The following SLC2A13 variants were observed in gnomAD, a reference collection of about 807,000 sequenced individuals.
The protein encoded by SLC2A13 is proton myo-inositol cotransporter.
A neutral mutation model predicts 64.4 loss-of-function variants in SLC2A13; 32 were observed. The observed-to-expected ratio is 0.50, with a 90% CI of 0.37 to 0.67. The LOEUF (loss-of-function observed/expected upper bound fraction) is 0.67. SLC2A13 is among the 30% of genes least tolerant of loss of function. SLC2A13 has a pLI of 0.00. For synonymous variants in SLC2A13, 338 were observed against 327.1 expected (o/e 1.03, Z -0.36); for missense variants, 743 against 829.2 (o/e 0.90, Z 1.28).
chr12:40,021,651 A>T (rs1167538413), intron 3 of SLC2A13, among the ~76,000 whole-genome samples: 1 of 152,216 alleles, frequency 6.6e-6, no homozygotes, highest in Non-Finnish European at 1.5e-5. Context: ...AGGTCATCTT[A>T]CCAAGAACAA....
intron 5 of SLC2A13, among the ~76,000 whole-genome samples, chr12:39,869,437 A>G (rs948150000): frequency 9.2e-5 from 14 of 152,204 alleles, no homozygotes; most frequent in Non-Finnish European, 1.2e-4. Context: ...CTCTCAAACC[A>G]TTGTTATATC....
intron 7 of SLC2A13, among the ~76,000 whole-genome samples, chr12:39,792,582 AC>A (rs1941441104): frequency 6.6e-6 from 1 of 152,162 alleles, no homozygotes; most frequent in African/African-American, 2.4e-5. Flanking sequence ...AGGTGTGTAT[AC>A]AGTCACCTTC....
chr12:39,868,933 A>G (rs1162715580), intron 5 of SLC2A13, among the ~76,000 whole-genome samples: 1 of 152,210 alleles, frequency 6.6e-6, no homozygotes, highest in African/African-American at 2.4e-5. Context: ...AAGAATGAAT[A>G]TCTAACAAAA....
At chr12:40,082,965 C>T (rs1239390509) in intron 1 of SLC2A13, among the ~76,000 whole-genome samples, 1 of 152,062 alleles carries the variant, frequency 6.6e-6, no homozygotes. Flanking sequence ...CTCTCAATAC[C>T]TTCTTTCTGA....
chr12:39,949,428 T>C (rs1946191536), intron 4 of SLC2A13: 2 of 152,212 alleles, frequency 1.3e-5, no homozygotes, highest in South Asian at 4.1e-4. Context: ...AGTGCATCTA[T>C]CATAAATATT....
intron 6 of SLC2A13, among the ~76,000 whole-genome samples, chr12:39,842,106 T>A (rs1438089881): frequency 1.3e-5 from 2 of 152,084 alleles, no homozygotes; most frequent in African/African-American, 4.8e-5. Flanking sequence ...GTGGCAGAGC[T>A]GGGGTTCCAA....
chr12:40,074,840 G>A (rs1221128637), intron 1 of SLC2A13, among the ~76,000 whole-genome samples: 4 of 152,158 alleles, frequency 2.6e-5, no homozygotes, highest in Non-Finnish European at 4.4e-5. Context: ...GTTATGATTA[G>A]GTCTCAAGCT....
At chr12:39,863,761 CA>C (rs1943828604) in intron 6 of SLC2A13, among the ~76,000 whole-genome samples, 3 of 152,084 alleles carry the variant, frequency 2.0e-5, no homozygotes, top group Admixed American at 2.0e-4. Context: ...GCCTATTTTC[CA>C]AAGGCACATA....
Position 39,841,208 on chromosome 12 carries a change from T to G in SLC2A13, c.1320-10980A>C, listed in dbSNP as rs140469746. Among the ~76,000 whole-genome samples, 648 of 152,264 alleles carry G rather than the reference T, an allele frequency of 4.3e-3. 5 individuals carry two copies. The highest frequency in any genetic ancestry group is 7.1e-3 in the Non-Finnish European group (483 of 67,992). On this transcript the variant is annotated intron_variant, in intron 6 of 9. Transcript: ENST00000280871. ...CCAGGCTCCTGCCCAGATTGAGCAT[T>G]TGGCTCTAGCACTGTTAAAGGCAGC...
rs113770563 is a variant in SLC2A13, at chr12:40,090,988, T to C, written c.556+14265A>G. ...TCAGGAATACATTTTGCAAACTTCA[T>C]AGAGTGTCCTTACACAAACCTAAAT... On this transcript the variant is annotated intron_variant, in intron 1 of 9. Transcript: ENST00000280871. Among the ~76,000 whole-genome samples, 10 of 152,320 alleles carry C rather than the reference T, an allele frequency of 6.6e-5. 1 individual carries two copies. The highest frequency in any genetic ancestry group is 2.1e-4 in the South Asian group (1 of 4,830).
intron 1 of SLC2A13, among the ~76,000 whole-genome samples, chr12:40,098,962 T>C (rs1481700404): frequency 2.6e-5 from 4 of 152,334 alleles, no homozygotes; most frequent in East Asian, 1.9e-4. Flanking sequence ...ACTGGTGCCA[T>C]TGCTCGCTGG....
chr12:40,069,699 TTTA>T (rs918195118), intron 1 of SLC2A13, among the ~76,000 whole-genome samples: 3 of 151,758 alleles, frequency 2.0e-5, no homozygotes, highest in East Asian at 1.9e-4. Flanking sequence ...TTCAATAGCT[TTTA>T]TTATTATTAT....
At position 40,077,165 on chromosome 12, in the gene SLC2A13, A is replaced by C. The variant is rs142326143; in HGVS notation, c.556+28088T>G. ...AAGCTCTTTAGTTTAACTAGATCCT[A>C]TTTCTCAATTTTTATTTTTGTTGCA... On this transcript the variant is annotated intron_variant, in intron 1 of 9. Transcript: ENST00000280871. 2.6e-3 allele frequency among the ~76,000 whole-genome samples: 398 copies of C among 151,924 alleles called. 3 individuals are homozygous for C. Among genetic ancestry groups the C allele is most frequent in the African/African-American group, 9.4e-3 (388 of 41,422 alleles).
chr12:40,044,882 C>G (rs779669407), intron 2 of SLC2A13, among the ~76,000 whole-genome samples: 27 of 152,232 alleles, frequency 1.8e-4, no homozygotes, highest in Middle Eastern at 6.8e-3. Flanking sequence ...ATTATAAACG[C>G]TTGAAAGCAG....
chr12:39,846,397 G>C (rs1943315752), intron 6 of SLC2A13, among the ~76,000 whole-genome samples: 1 of 152,160 alleles, frequency 6.6e-6, no homozygotes, highest in African/African-American at 2.4e-5. Context: ...ATCTTTCTCA[G>C]TTAAAGCATG....
chr12:40,028,018 T>C (rs1177384918), intron 3 of SLC2A13, among the ~76,000 whole-genome samples: 4 of 152,194 alleles, frequency 2.6e-5, no homozygotes, highest in Non-Finnish European at 5.9e-5. Flanking sequence ...TCATACGCTT[T>C]ATAAAAATTA....
At chr12:40,089,629 T>C (rs1362075809) in intron 1 of SLC2A13, among the ~76,000 whole-genome samples, 1 of 152,212 alleles carries the variant, frequency 6.6e-6, no homozygotes, top group Non-Finnish European at 1.5e-5. Context: ...CCTCCCTGTA[T>C]AGACTTTGTA....
chr12:39,932,243 T>C (rs905508195), intron 4 of SLC2A13, among the ~76,000 whole-genome samples: 1 of 152,160 alleles, frequency 6.6e-6, no homozygotes, highest in Non-Finnish European at 1.5e-5. Flanking sequence ...TTACTAAGGA[T>C]TGGGGGGAAT....
At chr12:40,044,241 A>G (rs1038787242) in intron 2 of SLC2A13, among the ~76,000 whole-genome samples, 6 of 152,196 alleles carry the variant, frequency 3.9e-5, no homozygotes, top group African/African-American at 1.4e-4. Context: ...CCACATATTC[A>G]TATATGAAAT....
Sources: gnomAD v4.1 joint callset for allele counts (sites outside exome capture counted in the v4.1 genomes callset) on GRCh38, gnomAD v4.1.1 for gene constraint, MANE v1.5 for transcripts, NCBI Gene and HGNC (gene_info 2026-07-23, HGNC 2026-07-21) for gene names.